CHD6: variants seen among roughly 807,000 people sequenced by gnomAD.
CHD6 encodes ATP-dependent chromatin remodeler CHD6.
A neutral mutation model predicts 276.9 loss-of-function variants in CHD6; 50 were observed. The ratio of observed to expected loss-of-function variants is 0.18; its 90% CI spans 0.14 to 0.23. The LOEUF is 0.23. CHD6 is among the 10% of genes least tolerant of loss of function. The probability of loss-of-function intolerance (pLI) is 1.00; values close to 1 mark genes in which losing one functional copy is unlikely to be tolerated. For synonymous variants in CHD6, 1,173 were observed against 1,229.3 expected (o/e 0.95, Z 0.96); for missense variants, 2,564 against 3,365.8 (o/e 0.76, Z 5.89).
intron 1 of CHD6, among the ~76,000 whole-genome samples, chr20:41,608,378 T>C (rs1481504994): frequency 6.6e-6 from 1 of 152,362 alleles, no homozygotes; most frequent in East Asian, 1.9e-4. Flanking sequence ...CCATTCTTAC[T>C]AATTTAAGAC....
intron 3 of CHD6, among the ~76,000 whole-genome samples, chr20:41,530,478 C>T (rs1400165348): frequency 1.3e-5 from 2 of 152,086 alleles, no homozygotes; most frequent in African/African-American, 2.4e-5. Context: ...AATCAAAACA[C>T]GTACTTGAGC....
chr20:41,417,362 T>C lies in CHD6; in HGVS notation c.6128-13A>G. ...TTCCCTGGATAATCTGGGAAGAGGT[T>C]AAAAAATTAATCAGGCACTTAACTA... is the stretch of plus-strand genomic sequence containing the variant. On this transcript the variant is annotated splice_polypyrimidine_tract_variant and intron_variant, in intron 31 of 36. Coordinates refer to ENST00000373233, the MANE Select transcript of CHD6 (RefSeq NM_032221.5). 6.2e-7 allele frequency: 1 copy of C among 1,607,674 alleles called. No homozygotes were observed. The highest frequency in any genetic ancestry group is 1.1e-5 in the South Asian group (1 of 89,762).
At chr20:41,439,061 T>G (rs551081166) in intron 26 of CHD6, among the ~76,000 whole-genome samples, 1 of 152,220 alleles carries the variant, frequency 6.6e-6, no homozygotes, top group Non-Finnish European at 1.5e-5. Flanking sequence ...TGCTAAGAGA[T>G]AAATGCTATG....
intron 25 of CHD6, among the ~76,000 whole-genome samples, chr20:41,445,387 C>T (rs896083510): frequency 3.9e-5 from 6 of 152,258 alleles, no homozygotes; most frequent in South Asian, 4.1e-4. Context: ...GTCCCATATC[C>T]GACAGCATGG....
intron 1 of CHD6, among the ~76,000 whole-genome samples, chr20:41,602,271 T>C (rs1193044938): frequency 6.6e-6 from 1 of 152,208 alleles, no homozygotes; most frequent in Non-Finnish European, 1.5e-5. Flanking sequence ...AAAGCTTCCT[T>C]TCCGCTACCC....
intron 17 of CHD6, among the ~76,000 whole-genome samples, chr20:41,466,489 C>T (rs987539641): frequency 2.0e-5 from 3 of 152,132 alleles, no homozygotes; most frequent in Non-Finnish European, 1.5e-5. Context: ...TATTATAATT[C>T]GTTGCTGGAC....
intron 23 of CHD6, among the ~76,000 whole-genome samples, chr20:41,449,666 G>A (rs2048177311): frequency 6.6e-6 from 1 of 152,152 alleles, no homozygotes; most frequent in Non-Finnish European, 1.5e-5. Context: ...TATTTTGGGT[G>A]GCGACATATC....
chr20:41,498,791 A>G (rs1013016776), intron 6 of CHD6, among the ~76,000 whole-genome samples: 1 of 91,976 alleles, frequency 1.1e-5, no homozygotes, highest in East Asian at 4.8e-4. Flanking sequence ...GTATGTATGT[A>G]TGTATGTATG....
chr20:41,592,568 G>C (rs1380660128), intron 1 of CHD6, among the ~76,000 whole-genome samples: 1 of 152,154 alleles, frequency 6.6e-6, no homozygotes. Context: ...AAGACAACGA[G>C]TACACATATT....
chr20:41,482,503 A>G (rs2043317691), intron 16 of CHD6: 1 of 506,512 alleles, frequency 2.0e-6, no homozygotes, highest in South Asian at 1.5e-5. Context: ...GAATAAGAAC[A>G]TCTGTTAAGA....
At chr20:41,500,997 G>T (rs2043817327) in intron 5 of CHD6, among the ~76,000 whole-genome samples, 1 of 152,134 alleles carries the variant, frequency 6.6e-6, no homozygotes, top group Admixed American at 6.5e-5. Context: ...CCAAAGCTAG[G>T]TGTGCATTAA....
chr20:41,466,362 A>G (rs541913019), intron 17 of CHD6, among the ~76,000 whole-genome samples: 10 of 152,318 alleles, frequency 6.6e-5, no homozygotes, highest in South Asian at 4.1e-4. Context: ...TCCAGGGTAC[A>G]ATCCAGGGTA....
intron 17 of CHD6, among the ~76,000 whole-genome samples, chr20:41,470,898 T>C (rs1430680929): frequency 6.6e-6 from 1 of 152,250 alleles, no homozygotes; most frequent in Non-Finnish European, 1.5e-5. Flanking sequence ...CTTCCACTGA[T>C]CCTCCTGGAT....
At position 41,421,359 on chromosome 20, in the gene CHD6, G is replaced by A; in HGVS notation, c.5276C>T (p.Thr1759Ile). 1 of 1,613,946 alleles carries A rather than the reference G, an allele frequency of 6.2e-7. No homozygotes were observed. The highest frequency in any genetic ancestry group is 8.5e-7 in the Non-Finnish European group (1 of 1,179,964). Residue 1759 changes from threonine to isoleucine, a missense_variant, in exon 31 of 37, where the codon ACT becomes ATT. Around this residue, in one of 7 missense-constraint regions of CHD6, gnomAD observed 1,024 missense variants for 1,047.9 expected, o/e 0.98. Transcript: ENST00000373233. ...TCCTGCTTCTAAGCTACCCATAAAA[G>A]TAGGGCCAGAAGCTATTTCTGCCTC... The part of the protein sequence containing the change: ...GPEAEIASGP[T>I]FMGSLEAGGV...
chr20:41,417,220 TAG>T lies in CHD6; in HGVS notation c.6255_6256del (p.Tyr2086PhefsTer4). The T allele has an allele frequency of 6.2e-7, 1 of 1,613,968 alleles. No individual in the cohort carries two copies. Among genetic ancestry groups the T allele is most frequent in the Non-Finnish European group, 8.5e-7 (1 of 1,179,946 alleles). On this transcript the variant is annotated frameshift_variant, in exon 32 of 37. Coordinates refer to ENST00000373233, the MANE Select transcript of CHD6 (RefSeq NM_032221.5). LOFTEE classifies it high-confidence loss of function. ...TACCTTTGGCCACTCAGAGAAGGAA[TAG>T]AGAGTTTTCTCCTGTAGCAGCTGAG...
chr20:41,593,890 C>T (rs2045690254), intron 1 of CHD6, among the ~76,000 whole-genome samples: 2 of 151,920 alleles, frequency 1.3e-5, no homozygotes, highest in South Asian at 2.1e-4. Flanking sequence ...GACTTCCAGG[C>T]ACCAGAATTG....
chr20:41,483,236 G>A, intron 16 of CHD6, 73 bp downstream of exon 16: 2 of 1,363,764 alleles, frequency 1.5e-6, no homozygotes, highest in African/African-American at 1.5e-5. Context: ...CAAAATTTTT[G>A]AATGGATCAA....
intron 27 of CHD6, among the ~76,000 whole-genome samples, chr20:41,430,629 T>C (rs1003427413): frequency 4.6e-5 from 7 of 152,170 alleles, no homozygotes; most frequent in Admixed American, 2.0e-4. Flanking sequence ...TCCTTTAACT[T>C]TCAGGGAGGG....
chr20:41,500,680 G>C (rs569691387), intron 5 of CHD6, among the ~76,000 whole-genome samples: 1 of 152,210 alleles, frequency 6.6e-6, no homozygotes, highest in East Asian at 1.9e-4. Context: ...GGGAGAAGGT[G>C]GCAGTTCACT....
Sources: allele counts gnomAD v4.1 joint callset (sites outside exome capture counted in the v4.1 genomes callset), GRCh38; gene constraint gnomAD v4.1.1; regional missense constraint gnomAD v4.1.1; transcripts MANE v1.5; gene names NCBI Gene and HGNC (gene_info 2026-07-23, HGNC 2026-07-21).